NRG3: variants seen among roughly 807,000 people sequenced by gnomAD.
NRG3 encodes the protein neuregulin 3, also known as pro-neuregulin-3, membrane-bound isoform.
A neutral mutation model predicts 66.9 loss-of-function variants in NRG3; 31 were observed. The ratio of observed to expected loss-of-function variants is 0.46; its 90% CI spans 0.35 to 0.63. The LOEUF is 0.63. Among genes scored for constraint, NRG3 ranks in the 20% least tolerant of loss-of-function variants. The pLI, the probability that NRG3 is intolerant of heterozygous loss-of-function variation, is 0.00. For synonymous variants in NRG3, 393 were observed against 359.4 expected, an observed-to-expected ratio of 1.09 and a Z score of -1.06; for missense variants, 910 against 878.9, an observed-to-expected ratio of 1.04 and a Z score of -0.45.
At position 82,678,639 on chromosome 10, in the gene NRG3, GC is replaced by G. The variant is rs2053888517; in HGVS notation, c.954-59936del. Among the ~76,000 whole-genome samples the G allele has an allele frequency of 2.0e-5, 3 of 152,286 alleles. No individual in the cohort carries two copies. The South Asian group carries it at 6.2e-4, about 32-fold the overall frequency. On this transcript the variant is annotated intron_variant, in intron 2 of 8. Transcript: ENST00000372141. The stretch of plus-strand genomic sequence containing the variant: ...ATTTTAGAAAGACAGTGTGACAACT[GC>G]CTGACCATCACCCGACGGTCGCCTG...
At chr10:82,492,572 G>A (rs1271669668) in intron 2 of NRG3, among the ~76,000 whole-genome samples, 2 of 152,046 alleles carry the variant, frequency 1.3e-5, no homozygotes, top group Non-Finnish European at 2.9e-5. Context: ...ACAAACTGAC[G>A]GCATCTTGGA....
At chr10:82,099,191 A>G (rs1231640026) in intron 1 of NRG3, among the ~76,000 whole-genome samples, 1 of 152,006 alleles carries the variant, frequency 6.6e-6, no homozygotes, top group Admixed American at 6.6e-5. Flanking sequence ...GGTCATGAAG[A>G]TTTTCTCTTT....
intron 3 of NRG3, among the ~76,000 whole-genome samples, chr10:82,834,048 T>G (rs367789161): frequency 1.3e-5 from 2 of 152,210 alleles, no homozygotes; most frequent in Non-Finnish European, 2.9e-5. Flanking sequence ...GATCAGCCAG[T>G]ACAAAATGGT....
intron 1 of NRG3, among the ~76,000 whole-genome samples, chr10:82,247,514 G>T (rs1220930333): frequency 6.6e-5 from 10 of 152,052 alleles, no homozygotes. Context: ...CCATCCTTTT[G>T]GGGGTTGGAA....
chr10:82,266,396 C>T (rs187890116), intron 1 of NRG3, among the ~76,000 whole-genome samples: 5 of 152,192 alleles, frequency 3.3e-5, no homozygotes, highest in East Asian at 1.9e-4. Context: ...GGGGCTACAG[C>T]GTGCAGAGTC....
At chr10:82,140,450 T>A (rs1272544445) in intron 1 of NRG3, among the ~76,000 whole-genome samples, 1 of 152,230 alleles carries the variant, frequency 6.6e-6, no homozygotes, top group Non-Finnish European at 1.5e-5. Flanking sequence ...TTTAAACAAA[T>A]TGTCTTTAAA....
At chr10:82,207,680 G>A (rs61862997) in intron 1 of NRG3, among the ~76,000 whole-genome samples, 5 of 152,148 alleles carry the variant, frequency 3.3e-5, no homozygotes, top group African/African-American at 1.2e-4. Flanking sequence ...GAAGGCTCAG[G>A]AAACACACAA....
chr10:82,810,194 G>A (rs1227981062), intron 3 of NRG3, among the ~76,000 whole-genome samples: 3 of 152,012 alleles, frequency 2.0e-5, no homozygotes, highest in African/African-American at 7.2e-5. Flanking sequence ...AATTCTTTGT[G>A]TGCTTCATGT....
intron 2 of NRG3, among the ~76,000 whole-genome samples, chr10:82,453,220 G>T (rs2091104680): frequency 6.6e-6 from 1 of 152,134 alleles, no homozygotes; most frequent in African/African-American, 2.4e-5. Context: ...TTTTATAAAT[G>T]ATATGAGTAA....
intron 2 of NRG3, among the ~76,000 whole-genome samples, chr10:82,698,974 G>A (rs2055619487): frequency 6.6e-6 from 1 of 152,030 alleles, no homozygotes; most frequent in South Asian, 2.1e-4. Flanking sequence ...ATATTTCTAT[G>A]GCTAACTCAT....
chr10:82,835,713 C>T (rs2062739501), intron 3 of NRG3, among the ~76,000 whole-genome samples: 1 of 152,152 alleles, frequency 6.6e-6, no homozygotes, highest in South Asian at 2.1e-4. Flanking sequence ...ATCAGCTTTG[C>T]AGGACAGCCA....
intron 2 of NRG3, among the ~76,000 whole-genome samples, chr10:82,574,062 T>C (rs1356490424): frequency 6.6e-6 from 1 of 151,566 alleles, no homozygotes; most frequent in Admixed American, 6.6e-5. Context: ...GAAATCAAAA[T>C]ACCAAAAAGA....
intron 1 of NRG3, among the ~76,000 whole-genome samples, chr10:82,197,296 A>G (rs1417132085): frequency 1.3e-5 from 2 of 152,220 alleles, no homozygotes; most frequent in South Asian, 4.2e-4. Context: ...TTTCAAAGAG[A>G]TGTGTGTTAT....
chr10:82,162,121 AT>A (rs2071646139), intron 1 of NRG3, among the ~76,000 whole-genome samples: 1 of 152,106 alleles, frequency 6.6e-6, no homozygotes, highest in Non-Finnish European at 1.5e-5. Flanking sequence ...AGGACAATAG[AT>A]TTGGTTTTCA....
At chr10:82,110,508 A>G (rs1323538669) in intron 1 of NRG3, among the ~76,000 whole-genome samples, 4 of 152,178 alleles carry the variant, frequency 2.6e-5, no homozygotes, top group African/African-American at 9.7e-5. Flanking sequence ...GTAACAACGG[A>G]AACACAGAGA....
intron 2 of NRG3, among the ~76,000 whole-genome samples, chr10:82,622,029 A>G (rs999021456): frequency 2.6e-5 from 4 of 152,184 alleles, no homozygotes; most frequent in African/African-American, 9.7e-5. Flanking sequence ...GGGTCAGGGA[A>G]TGGCCAAAAA....
At chr10:82,349,317 C>A (rs1045595517) in intron 1 of NRG3, among the ~76,000 whole-genome samples, 1 of 151,986 alleles carries the variant, frequency 6.6e-6, no homozygotes, top group East Asian at 1.9e-4. Flanking sequence ...TGTTGGAATA[C>A]CCTGCCTTGT....
intron 1 of NRG3, among the ~76,000 whole-genome samples, chr10:82,180,622 G>A (rs953829119): frequency 4.8e-4 from 73 of 151,886 alleles, no homozygotes; most frequent in African/African-American, 1.8e-3. Flanking sequence ...AATCCTCTTA[G>A]TGCGCTGTTG....
chr10:82,857,063 A>C (rs1209519773), intron 3 of NRG3, among the ~76,000 whole-genome samples: 3 of 152,222 alleles, frequency 2.0e-5, no homozygotes, highest in Non-Finnish European at 4.4e-5. Context: ...TTTGCACTGC[A>C]AAATTCTACC....
Sources: allele counts gnomAD v4.1 joint callset (sites outside exome capture counted in the v4.1 genomes callset), GRCh38; gene constraint gnomAD v4.1.1; transcripts MANE v1.5; gene names NCBI Gene and HGNC (gene_info 2026-07-23, HGNC 2026-07-21).